PMEL: variants seen among roughly 807,000 people sequenced by gnomAD.
PMEL encodes the protein premelanosome protein, also known as melanocyte protein PMEL.
PMEL carries 53 observed loss-of-function variants against 64.9 expected under a neutral mutation model. That is an observed-to-expected ratio of 0.82 (90% CI 0.66 to 1.03). The LOEUF is 1.03. PMEL is among the 50% of genes least tolerant of loss of function. PMEL has a pLI of 0.00. For synonymous variants in PMEL, 299 were observed against 316.2 expected (o/e 0.95, Z 0.58); for missense variants, 716 against 814.9 (o/e 0.88, Z 1.48).
At chr12:55,960,210 CA>C (rs56810428) in intron 3 of PMEL, among the ~76,000 whole-genome samples, 121 of 56,234 alleles carry the variant, frequency 2.2e-3, no homozygotes, top group Middle Eastern at 8.5e-3. Context: ...GACTCTGTCT[CA>C]AAAAAAAAAA....
In PMEL at chr12:55,959,402, T is replaced by C. The variant is rs534925309; in HGVS notation, c.335-795A>G. ...CCCGACTTTAAAATAAATAAATAAA[T>C]AAATAAATAAAATAAGAAAAATAAA... is the stretch of plus-strand genomic sequence containing the variant. On this transcript the variant is annotated intron_variant, in intron 3 of 10. Transcript: ENST00000548747. Among the ~76,000 whole-genome samples the C allele has an allele frequency of 3.3e-5, 5 of 149,608 alleles. 1 individual carries two copies. The South Asian group carries it at 1.1e-3, about 32-fold the overall frequency.
In PMEL at chr12:55,956,116, G is replaced by A; in HGVS notation, c.1458C>T (p.Thr486=). The change falls in exon 7 of 11, where the codon ACC becomes ACT. Residue 486 remains threonine, a synonymous_variant. Coordinates refer to ENST00000548747, the MANE Select transcript of PMEL (RefSeq NM_001384361.1). ...GGCAAGACTCACGGACAATGTCCAGGGTGACGGAAAAGGAACCATATCGAT... is the reference window on the plus strand; with the variant it reads ...GGCAAGACTCACGGACAATGTCCAGAGTGACGGAAAAGGAACCATATCGAT... ...VLYRYGSFSV[T]LDIVQGIESA... The A allele has an allele frequency of 6.2e-7, 1 of 1,610,878 alleles. No individual in the cohort carries two copies. The highest frequency in any genetic ancestry group is 8.5e-7 in the Non-Finnish European group (1 of 1,177,036).
intron 3 of PMEL, among the ~76,000 whole-genome samples, chr12:55,959,943 A>G (rs1486579658): frequency 6.6e-6 from 1 of 152,162 alleles, no homozygotes; most frequent in East Asian, 1.9e-4. Flanking sequence ...TATCTTCGGA[A>G]ATGGAAACAC....
chr12:55,962,406 G>A (rs1349294230), intron 1 of PMEL, among the ~76,000 whole-genome samples: 1 of 115,302 alleles, frequency 8.7e-6, no homozygotes, highest in Admixed American at 1.2e-4. Context: ...TTCTGAGATT[G>A]CACCAGTGTA....
intron 1 of PMEL, among the ~76,000 whole-genome samples, chr12:55,965,386 G>A (rs924461177): frequency 1.3e-5 from 2 of 151,816 alleles, no homozygotes; most frequent in African/African-American, 4.8e-5. Flanking sequence ...GGACATTCCA[G>A]ACCCTCTCAC....
chr12:55,960,545 T>TG (rs1565776232), intron 3 of PMEL, among the ~76,000 whole-genome samples: 2 of 137,970 alleles, frequency 1.4e-5, no homozygotes, highest in African/African-American at 2.9e-5. Flanking sequence ...CTGTTTTTTT[T>TG]TTTTTTTTTT....
upstream of PMEL, chr12:55,966,637 C>T (rs908736108): frequency 1.4e-5 from 15 of 1,048,194 alleles, no homozygotes; most frequent in African/African-American, 2.0e-4. Flanking sequence ...AGCCGCCCCA[C>T]CGGGGAAGAA....
chr12:55,966,044 G>A (rs1889288688), upstream of PMEL: 2 of 1,614,068 alleles, frequency 1.2e-6, no homozygotes, highest in Non-Finnish European at 1.7e-6. Flanking sequence ...AAAGGCACTG[G>A]GGGGACTGGG....
At position 55,961,390 on chromosome 12, in the gene PMEL, G is replaced by C; in HGVS notation, c.261C>G (p.Ala87=). ...CCTTTTGGCTTCCAGGGAAGTTCAAGGCAATAGAGAAGGAGGCATTTGCAC... is the reference window on the plus strand; with the variant it reads ...CCTTTTGGCTTCCAGGGAAGTTCAACGCAATAGAGAAGGAGGCATTTGCAC... The part of the protein sequence containing the change: ...LIGANASFSI[A]LNFPGSQKVL... The change falls in exon 3 of 11, where the codon GCC becomes GCG. Residue 87 remains alanine (A), a synonymous_variant. Transcript: ENST00000548747. The C allele has an allele frequency of 6.2e-7, 1 of 1,614,132 alleles. No homozygotes were observed. The highest frequency in any genetic ancestry group is 8.5e-7 in the Non-Finnish European group (1 of 1,180,002).
intron 2 of PMEL, 27 bp from the exon 3 acceptor site, chr12:55,961,490 G>C (rs773370767): frequency 1.2e-6 from 2 of 1,613,208 alleles, no homozygotes; most frequent in Non-Finnish European, 1.7e-6. Flanking sequence ...CATTAGCTGG[G>C]ACTCCTGGGC....
chr12:55,956,041 A>G, intron 7 of PMEL, 62 bp downstream of exon 7: 1 of 1,245,886 alleles, frequency 8.0e-7, no homozygotes, highest in Non-Finnish European at 1.2e-6. Context: ...GTGTGCTTCC[A>G]CTGACCAGCC....
Position 55,957,213 on chromosome 12 carries a change from C to T in PMEL, c.1090G>A (p.Val364Met). 6.2e-7 allele frequency: 1 copy of T among 1,614,214 alleles called. No homozygotes were observed. The highest frequency in any genetic ancestry group is 8.5e-7 in the Non-Finnish European group (1 of 1,180,046). The change falls in exon 6 of 11, where the codon GTG (valine) becomes ATG (methionine). Residue 364 changes from valine (V) to methionine (M), a missense_variant. Coordinates refer to ENST00000548747, the MANE Select transcript of PMEL (RefSeq NM_001384361.1). ...GTGCTCTCTGCAGTTGGCATCTGCACAGGTGCAGTGCTTATGACTTCAGTG... is the reference window on the plus strand; with the variant it reads ...GTGCTCTCTGCAGTTGGCATCTGCATAGGTGCAGTGCTTATGACTTCAGTG... ...PTTEVISTAP[V>M]QMPTAESTGM... is the part of the protein sequence containing the mutation.
intron 1 of PMEL, among the ~76,000 whole-genome samples, chr12:55,965,182 CT>C (rs1889247732): frequency 6.6e-6 from 1 of 152,182 alleles, no homozygotes; most frequent in Non-Finnish European, 1.5e-5. Context: ...CTGCTTCAGC[CT>C]CCCAAAGTGC....
At chr12:55,961,771 C>A in intron 1 of PMEL, 39 bp from the exon 2 acceptor site, 1 of 1,298,030 alleles carries the variant, frequency 7.7e-7, no homozygotes, top group Non-Finnish European at 1.1e-6. Flanking sequence ...AGGATCCTTT[C>A]AGTTCCTTCT....
At chr12:55,960,357 C>A (rs987912824) in intron 3 of PMEL, among the ~76,000 whole-genome samples, 2 of 151,642 alleles carry the variant, frequency 1.3e-5, no homozygotes, top group Non-Finnish European at 2.9e-5. Context: ...TTCTGCTGTC[C>A]TCCACTTTAG....
rs75512881 is a variant in PMEL, at chr12:55,956,886, A to G, written c.1354+63T>C. On this transcript the variant is annotated intron_variant, in intron 6 of 10. Coordinates refer to ENST00000548747, the MANE Select transcript of PMEL (RefSeq NM_001384361.1). The stretch of plus-strand genomic sequence containing the variant: ...TTGGGTAACATCTGAGTCCTGGGTA[A>G]GACTTACAGAGTAGAGTAGGGTACC... 4,894 of 1,542,858 alleles carry G rather than the reference A, an allele frequency of 3.2e-3. 137 individuals carry two copies. In the African/African-American group the frequency reaches 0.059, roughly 18 times the overall value.
Position 55,961,616 on chromosome 12 carries a change from T to A in PMEL, c.187+6A>T. On this transcript the variant is annotated splice_donor_region_variant and intron_variant, in intron 2 of 10. Transcript: ENST00000548747. ...ATGCCCTCCCCTGGAACTTCCAAGT[T>A]CCTACCTCTCCAGCAGTCAAGTCTC... 1 of 1,611,654 alleles carries A rather than the reference T, an allele frequency of 6.2e-7. No homozygotes were observed.
chr12:55,959,377 C>A (rs1889014695), intron 3 of PMEL, among the ~76,000 whole-genome samples: 1 of 142,772 alleles, frequency 7.0e-6, no homozygotes, highest in Non-Finnish European at 1.5e-5. Context: ...AGAGAAGGAC[C>A]CCGACTTTAA....
intron 4 of PMEL, 112 bp from the exon 5 acceptor site, chr12:55,958,196 C>G (rs1420830733): frequency 1.1e-5 from 13 of 1,166,466 alleles, no homozygotes; most frequent in Non-Finnish European, 1.5e-5. Flanking sequence ...ATGATTACTT[C>G]TGAGGGTGTT....
Sources: allele counts gnomAD v4.1 joint callset (sites outside exome capture counted in the v4.1 genomes callset), GRCh38; gene constraint gnomAD v4.1.1; transcripts MANE v1.5; gene names NCBI Gene and HGNC (gene_info 2026-07-23, HGNC 2026-07-21).